The following DCAF6 variants were observed in gnomAD, a reference collection of about 807,000 sequenced individuals.
DCAF6 encodes the protein DDB1 and CUL4 associated factor 6, also known as DDB1- and CUL4-associated factor 6.
A neutral mutation model predicts 125.1 loss-of-function variants in DCAF6; 54 were observed. The ratio of observed to expected loss-of-function variants is 0.43; its 90% CI spans 0.35 to 0.54. DCAF6 has a LOEUF of 0.54. Among genes scored for constraint, DCAF6 ranks in the 20% least tolerant of loss-of-function variants. The probability of loss-of-function intolerance (pLI) is 0.01; values close to 1 mark genes in which losing one functional copy is unlikely to be tolerated. For missense variants in DCAF6, 934 were observed against 1,161.7 expected, an observed-to-expected ratio of 0.80 and a Z score of 2.85; for synonymous variants, 371 against 390.4, an observed-to-expected ratio of 0.95 and a Z score of 0.58.
the DCAF6 span, among the ~76,000 whole-genome samples, chr1:167,922,895 A>G: frequency 1.3e-5 from 2 of 152,236 alleles, no homozygotes; most frequent in Non-Finnish European, 2.9e-5. Context: ...AAAGGACTTG[A>G]ATAAATATTT....
At chr1:168,002,678 C>A in intron 8 of DCAF6, 103 bp downstream of exon 8, 2 of 845,492 alleles carry the variant, frequency 2.4e-6, no homozygotes, top group Non-Finnish European at 3.6e-6. Flanking sequence ...AATGAACATT[C>A]TTATACATAT....
chr1:167,998,188 G>A (rs370972180), intron 7 of DCAF6, among the ~76,000 whole-genome samples: 2 of 152,196 alleles, frequency 1.3e-5, no homozygotes, highest in East Asian at 3.8e-4. Context: ...CCCAGTGCAT[G>A]TAAAAGTTAT....
intron 1 of DCAF6, among the ~76,000 whole-genome samples, chr1:167,949,996 GCTAT>G (rs2102699538): frequency 6.6e-6 from 1 of 152,258 alleles, no homozygotes; most frequent in African/African-American, 2.4e-5. Flanking sequence ...TCATTCAAAA[GCTAT>G]CTATTTAACC....
intron 7 of DCAF6, 57 bp from the exon 8 acceptor site, chr1:168,002,425 A>T: frequency 7.1e-7 from 1 of 1,407,570 alleles, no homozygotes; most frequent in Non-Finnish European, 1.0e-6. Flanking sequence ...ATGCTTTAAG[A>T]GTTGAGAGTA....
chr1:168,062,973 G>A (rs1244125340), intron 17 of DCAF6, among the ~76,000 whole-genome samples: 3 of 149,630 alleles, frequency 2.0e-5, no homozygotes, highest in Non-Finnish European at 3.0e-5. Context: ...GTGCAGTGGC[G>A]CGATCTCGGC....
At chr1:167,892,090 A>G in the DCAF6 span, among the ~76,000 whole-genome samples, 8 of 151,286 alleles carry the variant, frequency 5.3e-5, no homozygotes, top group Admixed American at 5.3e-4. Flanking sequence ...CTCTCACCTC[A>G]GCCTCCCTAG....
the DCAF6 span, among the ~76,000 whole-genome samples, chr1:167,869,746 C>A: frequency 6.6e-6 from 1 of 152,180 alleles, no homozygotes; most frequent in Non-Finnish European, 1.5e-5. Flanking sequence ...CTCATGCAGA[C>A]CCCCTTAGAG....
At chr1:167,975,771 T>C (rs899635518) in intron 4 of DCAF6, among the ~76,000 whole-genome samples, 24 of 152,138 alleles carry the variant, frequency 1.6e-4, no homozygotes, top group Admixed American at 1.1e-3. Context: ...AGGGCTGGTC[T>C]CCAACTCCTG....
At chr1:167,935,710 A>C (rs748379648), upstream of DCAF6, 4 of 1,538,018 alleles carry the variant, frequency 2.6e-6, no homozygotes, top group Non-Finnish European at 3.5e-6. Context: ...GGTCTCGATA[A>C]GGAGCCATTC....
chr1:167,985,971 G>A (rs1305751302), intron 4 of DCAF6, among the ~76,000 whole-genome samples: 1 of 152,104 alleles, frequency 6.6e-6, no homozygotes, highest in Non-Finnish European at 1.5e-5. Context: ...GAATCATACT[G>A]TGCCTTCTCT....
the DCAF6 span, among the ~76,000 whole-genome samples, chr1:167,908,033 C>T: frequency 6.6e-6 from 1 of 152,164 alleles, no homozygotes; most frequent in South Asian, 2.1e-4. Flanking sequence ...AATAGAACTA[C>T]CATATGATCT....
At chr1:167,910,006 A>G in the DCAF6 span, among the ~76,000 whole-genome samples, 2 of 152,184 alleles carry the variant, frequency 1.3e-5, no homozygotes, top group Non-Finnish European at 2.9e-5. Context: ...ATCTCAATCT[A>G]TTATGACCCT....
chr1:167,996,538 A>C (rs1409354328), intron 7 of DCAF6, among the ~76,000 whole-genome samples: 1 of 152,142 alleles, frequency 6.6e-6, no homozygotes, highest in Admixed American at 6.6e-5. Flanking sequence ...CACTTCCTAC[A>C]GCCCTATAGC....
chr1:167,983,742 A>C (rs1006247249), intron 4 of DCAF6, among the ~76,000 whole-genome samples: 1 of 152,050 alleles, frequency 6.6e-6, no homozygotes, highest in African/African-American at 2.4e-5. Flanking sequence ...TTTACTTTTA[A>C]CTTTTTCTGG....
chr1:168,011,657 A>G (rs1350535804), intron 10 of DCAF6, among the ~76,000 whole-genome samples: 1 of 152,164 alleles, frequency 6.6e-6, no homozygotes, highest in East Asian at 1.9e-4. Flanking sequence ...GTCTAGTCAG[A>G]TAGATATAGG....
the DCAF6 span, among the ~76,000 whole-genome samples, chr1:167,896,212 G>C: frequency 1.3e-5 from 2 of 152,078 alleles, no homozygotes; most frequent in Admixed American, 6.6e-5. Context: ...AATATTTATT[G>C]GATGAATAAA....
the DCAF6 span, among the ~76,000 whole-genome samples, chr1:167,890,958 T>G: frequency 0.25 from 37,135 of 151,450 alleles, 5,053 homozygotes; most frequent in Middle Eastern, 0.35. Flanking sequence ...TATTTATTTA[T>G]TTAGTTAGTT....
intron 1 of DCAF6, chr1:167,937,298 G>C (rs901086726): frequency 1.5e-4 from 65 of 442,598 alleles, no homozygotes; most frequent in Non-Finnish European, 2.3e-4. Flanking sequence ...GTTGGGACTC[G>C]GGAGACTTGC....
chr1:167,883,066 C>A, the DCAF6 span, among the ~76,000 whole-genome samples: 1 of 152,234 alleles, frequency 6.6e-6, no homozygotes, highest in Non-Finnish European at 1.5e-5. Context: ...GAGACGGAGT[C>A]TCACGCTATA....
Sources: gnomAD v4.1 joint callset for allele counts (sites outside exome capture counted in the v4.1 genomes callset) on GRCh38, gnomAD v4.1.1 for gene constraint, MANE v1.5 for transcripts, NCBI Gene and HGNC (gene_info 2026-07-23, HGNC 2026-07-21) for gene names.